Variants in CMC1 observed in about 807,000 individuals in gnomAD.
The protein encoded by CMC1 is C-X9-C motif containing 1.
In CMC1, 14 loss-of-function variants were observed where a neutral mutation model predicts 14.1. The ratio of observed to expected loss-of-function variants is 0.99; its 90% CI spans 0.66 to 1.55. The LOEUF (loss-of-function observed/expected upper bound fraction) is 1.55, where lower values mean the gene tolerates loss of function less well. Among genes scored for constraint, CMC1 ranks in the 40% most tolerant of loss-of-function variants. The probability of loss-of-function intolerance (pLI) is 0.00; values close to 1 mark genes in which losing one functional copy is unlikely to be tolerated. For synonymous variants in CMC1, 50 were observed against 38.4 expected (o/e 1.30, Z -1.12); for missense variants, 127 against 123.8 (o/e 1.03, Z -0.12).
chr3:28,315,177 AGAGATG>A (rs1279584552), intron 2 of CMC1: 1 of 152,218 alleles, frequency 6.6e-6, no homozygotes. Context: ...AGTAGCTGCA[AGAGATG>A]AGGAGCAAAG....
At chr3:28,283,564 A>G (rs1559422366) in intron 2 of CMC1, among the ~76,000 whole-genome samples, 1 of 150,624 alleles carries the variant, frequency 6.6e-6, no homozygotes, top group Non-Finnish European at 1.5e-5. Context: ...AAAAAAAAAA[A>G]AAAGAAAAGA....
intron 2 of CMC1, among the ~76,000 whole-genome samples, chr3:28,279,395 G>A (rs558440020): frequency 1.1e-3 from 162 of 152,240 alleles, no homozygotes; most frequent in African/African-American, 3.7e-3. Flanking sequence ...CTTTCTACTC[G>A]TATTACTCAC....
At chr3:28,283,091 A>AC (rs5847509) in intron 2 of CMC1, among the ~76,000 whole-genome samples, 35,384 of 152,142 alleles carry the variant, frequency 0.23, 4,543 homozygotes, top group Middle Eastern at 0.3. Context: ...TTGCCAAAGG[A>AC]CAAGTCTTGC....
chr3:28,278,085 A>ATTGATGTGATTGTGTGATTGAGGT (rs1159795289), intron 2 of CMC1, among the ~76,000 whole-genome samples: 1 of 101,448 alleles, frequency 9.9e-6, no homozygotes, highest in Non-Finnish European at 2.0e-5. Context: ...GATGTGATTG[A>ATTGATGTGATTGTGTGATTGAGGT]GATACTCCAA....
intron 2 of CMC1, among the ~76,000 whole-genome samples, chr3:28,281,074 C>T (rs1207237347): frequency 6.6e-6 from 1 of 152,176 alleles, no homozygotes; most frequent in African/African-American, 2.4e-5. Flanking sequence ...TTCCTGACTC[C>T]TGGTTTAATC....
At chr3:28,316,255 A>G in intron 2 of CMC1, 78 bp from the exon 3 acceptor site, 1 of 720,740 alleles carries the variant, frequency 1.4e-6, no homozygotes, top group Non-Finnish European at 2.1e-6. Flanking sequence ...TTTTTTTTCT[A>G]AAAAGAAGAA....
chr3:28,251,234 G>A (rs1699110428), intron 1 of CMC1, among the ~76,000 whole-genome samples: 1 of 152,174 alleles, frequency 6.6e-6, no homozygotes. Context: ...GATCAAAGGG[G>A]AAGCGGGCAT....
intron 2 of CMC1, among the ~76,000 whole-genome samples, chr3:28,274,220 C>CTTTTTTTTTTTTTTTTTTT (rs544985268): frequency 8.9e-6 from 1 of 112,326 alleles, no homozygotes; most frequent in Non-Finnish European, 1.7e-5. Flanking sequence ...TTGTTTTTTT[C>CTTTTTTTTTTTTTTTTTTT]TTTTTTTTTT....
intron 2 of CMC1, among the ~76,000 whole-genome samples, chr3:28,289,528 A>G (rs1287954673): frequency 6.6e-6 from 1 of 151,278 alleles, no homozygotes; most frequent in Non-Finnish European, 1.5e-5. Context: ...AAGCCAGGCA[A>G]AGAATTTTAG....
At position 28,320,857 on chromosome 3, in the gene CMC1, C is replaced by T. The variant is rs968399964; in HGVS notation, c.*1228C>T. 6.6e-6 allele frequency: 1 copy of T among 151,320 alleles called. No homozygotes were observed. The highest frequency in any genetic ancestry group is 2.4e-5 in the African/African-American group (1 of 41,314). The allele number at this position is 151,320 out of a possible 1,614,324, so 9.4% of individuals were successfully genotyped here. A position where few individuals can be genotyped will look rare whatever the true frequency, so the allele number is the denominator to read the frequency against. ...CCATGAGCTGTTAACTCTTCCACAG[C>T]CATTGTAACTAGTTTCAAGATAAGT... On this transcript the variant is annotated 3_prime_UTR_variant, in exon 4 of 4. Coordinates refer to ENST00000466830, the MANE Select transcript of CMC1 (RefSeq NM_182523.2).
Position 28,319,676 on chromosome 3 carries a change from A to AT in CMC1, c.*51dup. 2 of 1,521,180 alleles carry AT rather than the reference A, an allele frequency of 1.3e-6. No homozygotes were observed. The highest frequency in any genetic ancestry group is 1.8e-6 in the Non-Finnish European group (2 of 1,124,868). 94.2% of individuals were successfully genotyped at this position (1,521,180 alleles called of 1,614,324 possible). A position where few individuals can be genotyped will look rare whatever the true frequency, so the allele number is the denominator to read the frequency against. On this transcript the variant is annotated 3_prime_UTR_variant, in exon 4 of 4. Transcript: ENST00000466830. ...AGGAACTCTAATATTCATGGAAGTC[A>AT]TTTTATAGTCCTTAAATAATGGACT...
intron 2 of CMC1, among the ~76,000 whole-genome samples, chr3:28,306,336 T>G (rs1168020937): frequency 1.3e-5 from 2 of 152,116 alleles, no homozygotes; most frequent in Non-Finnish European, 1.5e-5. Flanking sequence ...TGTTTTTTCA[T>G]TTGTTTCATC....
chr3:28,284,949 C>T (rs1701096688), intron 2 of CMC1, among the ~76,000 whole-genome samples: 1 of 152,204 alleles, frequency 6.6e-6, no homozygotes, highest in Non-Finnish European at 1.5e-5. Flanking sequence ...GCTTCCTTTA[C>T]TAACCCTGTT....
intron 2 of CMC1, chr3:28,294,475 T>G: frequency 3.1e-6 from 3 of 978,248 alleles, no homozygotes; most frequent in Non-Finnish European, 3.6e-6. Context: ...GTTAGATGGA[T>G]TTGGGAGAAT....
At chr3:28,284,462 A>C (rs1701065316) in intron 2 of CMC1, among the ~76,000 whole-genome samples, 1 of 152,150 alleles carries the variant, frequency 6.6e-6, no homozygotes, top group Non-Finnish European at 1.5e-5. Flanking sequence ...CTAGGAATTA[A>C]AACAAAACAA....
intron 2 of CMC1, among the ~76,000 whole-genome samples, chr3:28,294,829 C>G (rs1424455692): frequency 6.6e-6 from 1 of 152,066 alleles, no homozygotes; most frequent in Non-Finnish European, 1.5e-5. Context: ...CTAGATTTGT[C>G]ATTCTAAAAC....
rs139180372 is a variant in CMC1, at chr3:28,263,310, C to T, written c.39C>T (p.Val13=). The change falls in exon 2 of 4, where the codon GTC becomes GTT. Residue 13 remains valine (V), a synonymous_variant. Coordinates refer to ENST00000466830, the MANE Select transcript of CMC1 (RefSeq NM_182523.2). ...TTTCAGACCAGCATCTCAGACATGT[C>T]GAAAAAGATGTTTTGATCCCTAAAA... ...LDPADQHLRH[V]EKDVLIPKIM... 5.0e-3 allele frequency: 8,023 copies of T among 1,603,376 alleles called. 24 individuals carry two copies. Among genetic ancestry groups the T allele is most frequent in the Non-Finnish European group, 6.3e-3 (7,412 of 1,175,598 alleles).
intron 1 of CMC1, among the ~76,000 whole-genome samples, chr3:28,262,405 C>T (rs1283041220): frequency 2.0e-5 from 3 of 151,952 alleles, no homozygotes; most frequent in African/African-American, 7.3e-5. Flanking sequence ...GGGATAAATA[C>T]CTATATATAC....
intron 2 of CMC1, among the ~76,000 whole-genome samples, chr3:28,308,812 A>G (rs571944346): frequency 5.3e-5 from 8 of 152,114 alleles, no homozygotes; most frequent in East Asian, 1.9e-4. Flanking sequence ...GTGAAACCCC[A>G]TCTCTACTAA....
Sources: allele counts gnomAD v4.1 joint callset (sites outside exome capture counted in the v4.1 genomes callset), GRCh38; gene constraint gnomAD v4.1.1; transcripts MANE v1.5; gene names NCBI Gene and HGNC (gene_info 2026-07-23, HGNC 2026-07-21).